Variants in PUS10 observed in about 807,000 individuals in gnomAD.
The protein encoded by PUS10 is tRNA pseudouridine synthase Pus10.
Under a neutral mutation model 75.0 loss-of-function variants are expected in PUS10, and 59 were observed. The ratio of observed to expected loss-of-function variants is 0.79; its 90% CI spans 0.64 to 0.98. PUS10 has a LOEUF of 0.98. Ranked by LOEUF, PUS10 falls within the 50% of genes least tolerant of loss-of-function variation. PUS10 has a pLI of 0.00. For synonymous variants in PUS10, 219 were observed against 211.6 expected (o/e 1.03, Z -0.30); for missense variants, 650 against 614.4 (o/e 1.06, Z -0.61).
rs151040301 is a variant in PUS10, at chr2:60,947,099, T to C, written c.1451+944A>G. Among the ~76,000 whole-genome samples the C allele has an allele frequency of 7.1e-3, 1,079 of 152,348 alleles. 11 individuals are homozygous for C. The highest frequency in any genetic ancestry group is 0.014 in the Middle Eastern group (4 of 294). ...TTAGATTACGAACAAATTATCAGCC[T>C]TGGACTATAGATATTTTAACTCTGA... On this transcript the variant is annotated intron_variant, in intron 16 of 17. Transcript: ENST00000316752.
At position 60,956,880 on chromosome 2, in the gene PUS10, T is replaced by C. The variant is rs538328808; in HGVS notation, c.1001-1806A>G. 2.6e-4 allele frequency among the ~76,000 whole-genome samples: 35 copies of C among 137,168 alleles called. No homozygotes were observed. The East Asian group carries it at 5.5e-3, about 22-fold the overall frequency. 90.0% of individuals were successfully genotyped at this position (137,168 alleles called of 152,430 possible). A position where few individuals can be genotyped will look rare whatever the true frequency, so the allele number is the denominator to read the frequency against. On this transcript the variant is annotated intron_variant, in intron 11 of 17. Coordinates refer to ENST00000316752, the MANE Select transcript of PUS10 (RefSeq NM_144709.4). ...GTCCCAGCTACTTGGGAGGCTGAGG[T>C]AGGAGAATGGCGTGAACCTGGGAGG... is the stretch of plus-strand genomic sequence containing the variant.
chr2:60,949,994 A>G (rs1303932506), intron 15 of PUS10, among the ~76,000 whole-genome samples: 1 of 152,194 alleles, frequency 6.6e-6, no homozygotes, highest in African/African-American at 2.4e-5. Context: ...TATTTTTCCC[A>G]TGGCATTCTC....
intron 16 of PUS10, 135 bp from the exon 17 acceptor site, chr2:60,945,243 T>C: frequency 1.8e-6 from 1 of 569,802 alleles, no homozygotes; most frequent in Admixed American, 2.9e-5. Context: ...CTTGTGTGTC[T>C]TAAAAAATAA....
intron 15 of PUS10, 43 bp downstream of exon 15, chr2:60,952,954 C>G: frequency 1.9e-6 from 2 of 1,074,618 alleles, no homozygotes; most frequent in Non-Finnish European, 2.9e-6. Context: ...CTTTGATAGG[C>G]AACAGAAAAA....
intron 8 of PUS10, among the ~76,000 whole-genome samples, chr2:60,963,888 T>A (rs1676180982): frequency 6.6e-6 from 1 of 152,274 alleles, no homozygotes; most frequent in Non-Finnish European, 1.5e-5. Flanking sequence ...ATCCTATTAC[T>A]TGATGCCTAT....
chr2:60,967,516 G>A lies in PUS10; in HGVS notation c.601C>T (p.Pro201Ser). Reference protein sequence around the residue: ...HPLFSEELGVPIDGKSLFEVS... With the variant: ...HPLFSEELGVSIDGKSLFEVS... ...TGACCCAATACCTTTCCATCAATGG[G>A]AACACCCAGTTCCTCTGAAAACAGG... Residue 201 changes from proline (P) to serine (S), a missense_variant, in exon 6 of 18, where the codon CCC (proline) becomes TCC (serine). Coordinates refer to ENST00000316752, the MANE Select transcript of PUS10 (RefSeq NM_144709.4). The A allele has an allele frequency of 6.3e-7, 1 of 1,595,556 alleles. No homozygotes were observed. Among genetic ancestry groups the A allele is most frequent in the Non-Finnish European group, 8.6e-7 (1 of 1,167,342 alleles).
intron 4 of PUS10, among the ~76,000 whole-genome samples, chr2:60,991,149 G>T (rs1160812995): frequency 6.6e-6 from 1 of 152,108 alleles, no homozygotes; most frequent in Non-Finnish European, 1.5e-5. Context: ...AAAATGCTGG[G>T]ATTACAGGCA....
intron 8 of PUS10, 117 bp downstream of exon 8, chr2:60,964,941 T>C: frequency 1.1e-6 from 1 of 883,668 alleles, no homozygotes; most frequent in Non-Finnish European, 1.8e-6. Context: ...ATTTAAAAGC[T>C]GATTCTTAGT....
chr2:61,003,811 G>A (rs934737615), intron 4 of PUS10, among the ~76,000 whole-genome samples: 37 of 151,870 alleles, frequency 2.4e-4, no homozygotes, highest in African/African-American at 9.0e-4. Context: ...CAAAGTGCTG[G>A]GATTACAGGC....
Position 60,954,165 on chromosome 2 carries a change from G to C in PUS10, c.1058-7C>G. 1 of 1,613,818 alleles carries C rather than the reference G, an allele frequency of 6.2e-7. No homozygotes were observed. Among genetic ancestry groups the C allele is most frequent in the African/African-American group, 1.3e-5 (1 of 75,026 alleles). On this transcript the variant is annotated splice_region_variant and splice_polypyrimidine_tract_variant and intron_variant, in intron 12 of 17. Coordinates refer to ENST00000316752, the MANE Select transcript of PUS10 (RefSeq NM_144709.4). Reference sequence around the variant, plus strand: ...TCAATTGCAAAGGGCCTTCCTGGCAGCACACACCCCGTCATGAAACAGAAA... The same window carrying C: ...TCAATTGCAAAGGGCCTTCCTGGCACCACACACCCCGTCATGAAACAGAAA...
At chr2:60,967,225 T>C (rs1036721700) in intron 6 of PUS10, 2 of 291,462 alleles carry the variant, frequency 6.9e-6, no homozygotes, top group East Asian at 1.2e-4. Flanking sequence ...ATGCTTTGCA[T>C]CAAGGCAAAG....
chr2:61,017,050 C>G (rs1052219871), intron 1 of PUS10: 1 of 152,346 alleles, frequency 6.6e-6, no homozygotes, highest in African/African-American at 2.4e-5. Context: ...CCCACTCACC[C>G]CTCCTTTGCT....
At chr2:60,955,572 T>C (rs1343587243) in intron 11 of PUS10, among the ~76,000 whole-genome samples, 1 of 152,186 alleles carries the variant, frequency 6.6e-6, no homozygotes, top group Non-Finnish European at 1.5e-5. Flanking sequence ...CAAGCTATTC[T>C]CCTGCTTTGG....
rs542792707 is a variant in PUS10, at chr2:60,956,237, A to G, written c.1001-1163T>C. 2.0e-5 allele frequency among the ~76,000 whole-genome samples: 3 copies of G among 152,308 alleles called. No homozygotes were observed. The South Asian group carries it at 6.2e-4, about 32-fold the overall frequency. ...CACTCCAGTGTGAAGTTACTAATAA[A>G]TCCATAGCAATATCGGTATCTTCTA... On this transcript the variant is annotated intron_variant, in intron 11 of 17. Coordinates refer to ENST00000316752, the MANE Select transcript of PUS10 (RefSeq NM_144709.4).
chr2:61,012,038 C>T, intron 1 of PUS10, 133 bp from the exon 2 acceptor site: 2 of 489,486 alleles, frequency 4.1e-6, no homozygotes, highest in Non-Finnish European at 6.7e-6. Flanking sequence ...AAGCCCCTTT[C>T]ATTACACACA....
rs185878970 is a variant in PUS10 at position 61,016,935 on chromosome 2, C to G, written c.-16+1073G>C. Among the ~76,000 whole-genome samples, 10 of 152,262 alleles carry G rather than the reference C, an allele frequency of 6.6e-5. No individual in the cohort carries two copies. The South Asian group carries it at 1.0e-3, about 16-fold the overall frequency. On this transcript the variant is annotated intron_variant, in intron 1 of 17. Coordinates refer to ENST00000316752, the MANE Select transcript of PUS10 (RefSeq NM_144709.4). ...CACTGGGCTTCTGAAACATTCAGCTCTGGAATCTACTGTGGACTCTTGAAA... is the reference window on the plus strand; with the variant it reads ...CACTGGGCTTCTGAAACATTCAGCTGTGGAATCTACTGTGGACTCTTGAAA...
Position 60,945,120 on chromosome 2 carries a change from T to G in PUS10, c.1452-12A>C, listed in dbSNP as rs766168807. Reference sequence around the variant, plus strand: ...ACTCTTTAATGTAGCTGGGGTTTGTTTAAGGAAAAAATGAAGACAGCATGC... The same window carrying G: ...ACTCTTTAATGTAGCTGGGGTTTGTGTAAGGAAAAAATGAAGACAGCATGC... On this transcript the variant is annotated splice_polypyrimidine_tract_variant and intron_variant, in intron 16 of 17. Coordinates refer to ENST00000316752, the MANE Select transcript of PUS10 (RefSeq NM_144709.4). 13 of 1,592,330 alleles carry G rather than the reference T, an allele frequency of 8.2e-6. No homozygotes were observed. The highest frequency in any genetic ancestry group is 6.7e-5 in the African/African-American group (5 of 74,458).
chr2:60,999,234 C>G (rs1387964264), intron 4 of PUS10, among the ~76,000 whole-genome samples: 1 of 152,058 alleles, frequency 6.6e-6, no homozygotes, highest in African/African-American at 2.4e-5. Context: ...ACAAATTTAG[C>G]CTAATATTAG....
At position 60,984,306 on chromosome 2, in the gene PUS10, C is replaced by G. The variant is rs537272822; in HGVS notation, c.469-12749G>C. Among the ~76,000 whole-genome samples the G allele has an allele frequency of 2.5e-4, 38 of 152,100 alleles. No homozygotes were observed. In the South Asian group the frequency reaches 7.9e-3, roughly 32 times the overall value. On this transcript the variant is annotated intron_variant, in intron 4 of 17. Coordinates refer to ENST00000316752, the MANE Select transcript of PUS10 (RefSeq NM_144709.4). ...AGCCAAATAACCAGAAAATAGAAAC[C>G]CAGATGGCTAGTAAACATATAAAAA... is the stretch of plus-strand genomic sequence containing the variant.
Sources: gnomAD v4.1 joint callset for allele counts (sites outside exome capture counted in the v4.1 genomes callset) on GRCh38, gnomAD v4.1.1 for gene constraint, MANE v1.5 for transcripts, NCBI Gene and HGNC (gene_info 2026-07-23, HGNC 2026-07-21) for gene names.